BIN3: variants seen among roughly 807,000 people sequenced by gnomAD.
BIN3 encodes bridging integrator 3.
BIN3 carries 41 observed loss-of-function variants against 38.2 expected under a neutral mutation model. The ratio of observed to expected loss-of-function variants is 1.07; its 90% CI spans 0.84 to 1.39. BIN3 has a LOEUF of 1.39. BIN3 is among the 40% of genes most tolerant of loss of function. BIN3 has a pLI of 0.00. For missense variants in BIN3, 361 were observed against 324.3 expected (o/e 1.11, Z -0.87); for synonymous variants, 145 against 122.6 (o/e 1.18, Z -1.21).
chr8:22,649,249 C>T (rs1313981657), intron 1 of BIN3, among the ~76,000 whole-genome samples: 3 of 152,152 alleles, frequency 2.0e-5, no homozygotes, highest in African/African-American at 7.2e-5. Context: ...AATGGCTACC[C>T]CACCTATATG....
At position 22,624,365 on chromosome 8, in the gene BIN3, TGTGGGACAA is replaced by T; in HGVS notation, c.339-11_339-3del. On this transcript the variant is annotated splice_region_variant and splice_polypyrimidine_tract_variant and intron_variant, in intron 6 of 8. Coordinates refer to ENST00000276416, the MANE Select transcript of BIN3 (RefSeq NM_018688.6). Reference sequence around the variant, plus strand: ...AGGCTCGGGAAGACACTGCCGAACCTGTGGGACAAGCTGGCTGGAGATGGGCCCGTTCTT... The same window carrying T: ...AGGCTCGGGAAGACACTGCCGAACCTGCTGGCTGGAGATGGGCCCGTTCTT... The T allele has an allele frequency of 6.2e-7, 1 of 1,611,078 alleles. No individual in the cohort carries two copies. The highest frequency in any genetic ancestry group is 8.5e-7 in the Non-Finnish European group (1 of 1,178,092).
At position 22,630,526 on chromosome 8, in the gene BIN3, G is replaced by C. The variant is rs374423428; in HGVS notation, c.213C>G (p.Leu71=). ...TCAGAAGGTCCTGGTCTTGCTCACA[G>C]AGGGGATTGGAGAGTAAGTCCAAGG... The part of the protein sequence containing the change: ...KISLDLLSNP[L]CEQDQDLLNM... The change falls in exon 5 of 9, where the codon CTC becomes CTG. Residue 71 remains leucine, a synonymous_variant. Transcript: ENST00000276416. 10 of 1,613,930 alleles carry C rather than the reference G, an allele frequency of 6.2e-6. No homozygotes were observed. The highest frequency in any genetic ancestry group is 8.5e-6 in the Non-Finnish European group (10 of 1,179,886).
intron 2 of BIN3, among the ~76,000 whole-genome samples, chr8:22,641,955 T>A (rs761600790): frequency 8.6e-5 from 13 of 152,008 alleles, no homozygotes; most frequent in Non-Finnish European, 1.5e-4. Flanking sequence ...AGGATCGGGA[T>A]CGGGGGAGCT....
chr8:22,621,256 A>G lies in BIN3; in HGVS notation c.*166T>C. On this transcript the variant is annotated 3_prime_UTR_variant, in exon 9 of 9. Transcript: ENST00000276416. The stretch of plus-strand genomic sequence containing the variant: ...TGAGTGGGGAGACGGCGGCCTGCCT[A>G]GGGCTCCTGGTGCCAGGCTCAGGAA... 1 of 927,126 alleles carries G rather than the reference A, an allele frequency of 1.1e-6. No homozygotes were observed. The highest frequency in any genetic ancestry group is 1.6e-6 in the Non-Finnish European group (1 of 632,876). The allele number at this position is 927,126 out of a possible 1,614,324, so 57.4% of individuals were successfully genotyped here.
intron 1 of BIN3, among the ~76,000 whole-genome samples, chr8:22,648,398 T>A (rs547417144): frequency 6.6e-6 from 1 of 151,432 alleles, no homozygotes; most frequent in South Asian, 2.1e-4. Context: ...CGCTTGGCTG[T>A]GACAGTTCCT....
chr8:22,621,458 A>T lies in BIN3; in HGVS notation c.726T>A (p.Ser242Arg). Reference protein sequence around the residue: ...QRERENEAKLSELRALSIVAD... With the variant: ...QRERENEAKLRELRALSIVAD... The stretch of plus-strand genomic sequence containing the variant: ...CCACAATGGAGAGGGCCCGGAGCTC[A>T]CTGAGTTTGGCCTCGTTCTCCCGCT... The change falls in exon 9 of 9, where the codon AGT becomes AGA. Residue 242 changes from serine (S) to arginine (R), a missense_variant. Transcript: ENST00000276416. 3.7e-6 allele frequency: 6 copies of T among 1,613,766 alleles called. No homozygotes were observed. Among genetic ancestry groups the T allele is most frequent in the Non-Finnish European group, 5.1e-6 (6 of 1,179,804 alleles).
chr8:22,652,292 A>C lies in BIN3; in HGVS notation c.9-7489T>G, dbSNP rs117083067. Among the ~76,000 whole-genome samples the C allele has an allele frequency of 9.7e-4, 148 of 152,340 alleles. 2 individuals are homozygous for C. In the East Asian group the frequency reaches 0.027, roughly 28 times the overall value. ...CTGGGAGACAAAAAGAGCTGACAAG[A>C]AGCTCTGAGCACACGAACCATGTTT... On this transcript the variant is annotated intron_variant, in intron 1 of 8. Transcript: ENST00000276416.
intron 4 of BIN3, among the ~76,000 whole-genome samples, chr8:22,631,272 GAC>G (rs1401204752): frequency 6.6e-6 from 1 of 152,160 alleles, no homozygotes; most frequent in East Asian, 1.9e-4. Context: ...GACTCGCCCA[GAC>G]ACACACTGCA....
chr8:22,639,349 A>G (rs1010136015), intron 2 of BIN3, among the ~76,000 whole-genome samples: 1 of 151,830 alleles, frequency 6.6e-6, no homozygotes, highest in Non-Finnish European at 1.5e-5. Context: ...CTTCTGTCTC[A>G]GCCTCCTGCA....
At chr8:22,639,442 G>C (rs1035841272) in intron 2 of BIN3, among the ~76,000 whole-genome samples, 6 of 152,132 alleles carry the variant, frequency 3.9e-5, no homozygotes, top group African/African-American at 1.2e-4. Flanking sequence ...ATGTTGCCTA[G>C]GCTTGTCTTG....
chr8:22,628,360 C>T (rs1163573225), intron 6 of BIN3, among the ~76,000 whole-genome samples: 1 of 152,204 alleles, frequency 6.6e-6, no homozygotes, highest in African/African-American at 2.4e-5. Flanking sequence ...CTGGGAGCTT[C>T]TCTTCTGGCA....
At chr8:22,623,207 G>C (rs1005313257) in intron 8 of BIN3, among the ~76,000 whole-genome samples, 5 of 152,222 alleles carry the variant, frequency 3.3e-5, no homozygotes, top group African/African-American at 4.8e-5. Flanking sequence ...TCTGGCATGG[G>C]TGCCCACCCT....
At chr8:22,655,510 C>T (rs896939197) in intron 1 of BIN3, among the ~76,000 whole-genome samples, 1 of 152,098 alleles carries the variant, frequency 6.6e-6, no homozygotes, top group Admixed American at 6.5e-5. Context: ...TCCATTTGTC[C>T]CAGCACTGTT....
Position 22,624,342 on chromosome 8 carries a change from G to A in BIN3, c.360C>T (p.Ser120=). 1 of 1,613,498 alleles carries A rather than the reference G, an allele frequency of 6.2e-7. No homozygotes were observed. Among genetic ancestry groups the A allele is most frequent in the Non-Finnish European group, 8.5e-7 (1 of 1,179,670 alleles). ...CCCGCCTCTTCACAGCCATGTTGAG[G>A]CTCGGGAAGACACTGCCGAACCTGT... ...PLKKFGSVFP[S]LNMAVKRREQ... Residue 120 remains serine, a synonymous_variant, in exon 7 of 9, where the codon AGC becomes AGT. Transcript: ENST00000276416.
At chr8:22,668,821 C>A (rs1465168725) in intron 1 of BIN3, among the ~76,000 whole-genome samples, 1 of 152,372 alleles carries the variant, frequency 6.6e-6, no homozygotes, top group Non-Finnish European at 1.5e-5. Context: ...CGCGGAGTCC[C>A]AGGCTAAGAG....
chr8:22,626,858 C>T (rs953184906), intron 6 of BIN3, among the ~76,000 whole-genome samples: 4 of 152,204 alleles, frequency 2.6e-5, no homozygotes, highest in African/African-American at 9.6e-5. Context: ...CCACAGCTGT[C>T]GGCTGGGGCT....
intron 1 of BIN3, among the ~76,000 whole-genome samples, chr8:22,653,381 C>T (rs1802960065): frequency 6.6e-6 from 1 of 152,138 alleles, no homozygotes; most frequent in Non-Finnish European, 1.5e-5. Context: ...TTATGCTTTG[C>T]TATATTTCAG....
intron 1 of BIN3, among the ~76,000 whole-genome samples, chr8:22,659,063 A>G (rs1035595089): frequency 4.6e-5 from 7 of 152,218 alleles, no homozygotes; most frequent in Non-Finnish European, 7.3e-5. Context: ...GAGAGAAACA[A>G]CAGAGAGCCA....
At chr8:22,647,018 A>G (rs926716636) in intron 1 of BIN3, among the ~76,000 whole-genome samples, 8 of 152,150 alleles carry the variant, frequency 5.3e-5, no homozygotes, top group Admixed American at 4.6e-4. Flanking sequence ...GGTATCAGAA[A>G]ACGTGGCCTC....
Sources: gnomAD v4.1 joint callset for allele counts (sites outside exome capture counted in the v4.1 genomes callset) on GRCh38, gnomAD v4.1.1 for gene constraint, MANE v1.5 for transcripts, NCBI Gene and HGNC (gene_info 2026-07-23, HGNC 2026-07-21) for gene names.